CATSPERE: variants seen among roughly 807,000 people sequenced by gnomAD.
CATSPERE encodes the protein cation channel sperm-associated auxiliary subunit epsilon.
CATSPERE carries 93 observed loss-of-function variants against 114.1 expected under a neutral mutation model. That is an observed-to-expected ratio of 0.81 (90% CI 0.69 to 0.97). The LOEUF is 0.97. Among genes scored for constraint, CATSPERE ranks in the 50% least tolerant of loss-of-function variants. The probability of loss-of-function intolerance (pLI) is 0.00; values close to 1 mark genes in which losing one functional copy is unlikely to be tolerated. For missense variants in CATSPERE, 1,058 were observed against 1,131.6 expected, an observed-to-expected ratio of 0.93 and a Z score of 0.93; for synonymous variants, 341 against 384.1, an observed-to-expected ratio of 0.89 and a Z score of 1.31.
At chr1:244,530,024 T>C (rs559132242) in intron 8 of CATSPERE, among the ~76,000 whole-genome samples, 1 of 152,290 alleles carries the variant, frequency 6.6e-6, no homozygotes, top group South Asian at 2.1e-4. Flanking sequence ...CTTGGCTCAC[T>C]GCAACCTCCA....
rs1425514780 is a variant in CATSPERE at position 244,640,176 on chromosome 1, TAAATATAAG to T, written c.*96_*104del. 2.0e-6 allele frequency: 2 copies of T among 982,136 alleles called. No individual in the cohort carries two copies. Among genetic ancestry groups the T allele is most frequent in the East Asian group, 5.5e-5 (2 of 36,044 alleles). 60.8% of individuals were successfully genotyped at this position (982,136 alleles called of 1,614,324 possible). ...GAGTGTGTGTTTGACCAAGAAATAC[TAAATATAAG>T]CTCGTAGTAGGCATCACCAAATTCA... On this transcript the variant is annotated 3_prime_UTR_variant, in exon 22 of 22. Transcript: ENST00000366534.
At chr1:244,543,587 CAAT>C (rs1334925672) in intron 8 of CATSPERE, among the ~76,000 whole-genome samples, 1 of 148,554 alleles carries the variant, frequency 6.7e-6, no homozygotes, top group Non-Finnish European at 1.5e-5. Flanking sequence ...TGATTATAGT[CAAT>C]AACAGTAATA....
chr1:244,475,454 G>A (rs1194845602), intron 2 of CATSPERE, among the ~76,000 whole-genome samples: 1 of 151,534 alleles, frequency 6.6e-6, no homozygotes, highest in Non-Finnish European at 1.5e-5. Context: ...GACTGGTCTC[G>A]AACTCCTGGC....
At chr1:244,604,787 T>C (rs1324553726) in intron 17 of CATSPERE, among the ~76,000 whole-genome samples, 1 of 152,250 alleles carries the variant, frequency 6.6e-6, no homozygotes, top group Non-Finnish European at 1.5e-5. Flanking sequence ...ATTGAACTTT[T>C]AGCTCTGATT....
At chr1:244,600,814 G>A (rs1214364291) in intron 17 of CATSPERE, among the ~76,000 whole-genome samples, 2 of 151,452 alleles carry the variant, frequency 1.3e-5, no homozygotes, top group East Asian at 1.9e-4. Context: ...TCAAAGAATC[G>A]ATCATCAAAT....
chr1:244,589,615 A>G (rs58769403), intron 14 of CATSPERE, among the ~76,000 whole-genome samples: 1 of 152,294 alleles, frequency 6.6e-6, no homozygotes, highest in East Asian at 1.9e-4. Context: ...CTGAATCAAA[A>G]TCTGCATTTT....
chr1:244,621,146 A>C (rs1385897596), intron 20 of CATSPERE, among the ~76,000 whole-genome samples: 20 of 64,910 alleles, frequency 3.1e-4, no homozygotes, highest in African/African-American at 1.1e-3. Context: ...TAAAATATAT[A>C]TATTATAAAA....
Position 244,568,980 on chromosome 1 carries a change from C to G in CATSPERE, c.1508-3350C>G, listed in dbSNP as rs1572801131. ...GGCTGCCTAGTTTTGTGCTTGAAAC[C>G]CAGCGCCCTGGTGGTGTAGTAACCT... is the stretch of plus-strand genomic sequence containing the variant. On this transcript the variant is annotated intron_variant, in intron 10 of 21. Coordinates refer to ENST00000366534, the MANE Select transcript of CATSPERE (RefSeq NM_001130957.2). The surrounding 1 kb of genome is among the most constrained non-coding windows in gnomAD (Gnocchi z 4.4). 6.6e-6 allele frequency among the ~76,000 whole-genome samples: 1 copy of G among 152,184 alleles called. No homozygotes were observed. Among genetic ancestry groups the G allele is most frequent in the Non-Finnish European group, 1.5e-5 (1 of 68,044 alleles).
intron 8 of CATSPERE, among the ~76,000 whole-genome samples, chr1:244,521,570 C>T (rs1217907230): frequency 2.6e-5 from 4 of 152,006 alleles, no homozygotes; most frequent in African/African-American, 7.2e-5. Context: ...CTGCTTTCCT[C>T]GGCTTAGTAA....
At chr1:244,587,273 TAAAAAG>T (rs1244585127) in intron 13 of CATSPERE, among the ~76,000 whole-genome samples, 1 of 152,202 alleles carries the variant, frequency 6.6e-6, no homozygotes, top group Non-Finnish European at 1.5e-5. Flanking sequence ...TTGAATCTGT[TAAAAAG>T]AGAAGGTAAA....
intron 9 of CATSPERE, among the ~76,000 whole-genome samples, chr1:244,556,212 A>G (rs1175146746): frequency 6.6e-6 from 1 of 152,100 alleles, no homozygotes. Flanking sequence ...GAATATATAT[A>G]TATAAATTTA....
intron 10 of CATSPERE, among the ~76,000 whole-genome samples, chr1:244,569,844 C>A (rs1664177238): frequency 6.6e-6 from 1 of 152,176 alleles, no homozygotes; most frequent in South Asian, 2.1e-4. Context: ...CTATTCTGTT[C>A]CACTAATCTA....
intron 6 of CATSPERE, 69 bp downstream of exon 6, chr1:244,490,540 A>G (rs1671889492): frequency 3.1e-6 from 3 of 966,258 alleles, no homozygotes; most frequent in Non-Finnish European, 3.2e-6. Flanking sequence ...CTTATCTTCC[A>G]TATTTACCAG....
intron 8 of CATSPERE, among the ~76,000 whole-genome samples, chr1:244,530,911 T>TA (rs1169031044): frequency 6.6e-6 from 1 of 152,140 alleles, no homozygotes; most frequent in Non-Finnish European, 1.5e-5. Context: ...AGTTTTTTGA[T>TA]AGAGACTTTA....
At chr1:244,565,754 T>G (rs1053767287) in intron 10 of CATSPERE, among the ~76,000 whole-genome samples, 1 of 151,542 alleles carries the variant, frequency 6.6e-6, no homozygotes, top group South Asian at 2.1e-4. Flanking sequence ...ATTCATAGAT[T>G]TCAAGATTCA....
intron 21 of CATSPERE, among the ~76,000 whole-genome samples, chr1:244,638,664 A>G (rs887640424): frequency 1.5e-4 from 23 of 152,220 alleles, no homozygotes; most frequent in African/African-American, 5.5e-4. Flanking sequence ...TCATGATCTT[A>G]TCACACGCTC....
intron 2 of CATSPERE, among the ~76,000 whole-genome samples, chr1:244,475,679 G>A (rs1419568729): frequency 6.6e-6 from 1 of 151,616 alleles, no homozygotes; most frequent in Non-Finnish European, 1.5e-5. Context: ...TGGGATTACA[G>A]GTGCGCACCA....
At chr1:244,511,196 TTTA>T (rs932426256) in intron 7 of CATSPERE, among the ~76,000 whole-genome samples, 1 of 152,180 alleles carries the variant, frequency 6.6e-6, no homozygotes, top group Non-Finnish European at 1.5e-5. Flanking sequence ...AACTGATTTA[TTTA>T]TTATTATCTA....
intron 6 of CATSPERE, among the ~76,000 whole-genome samples, chr1:244,490,676 T>C (rs1218020604): frequency 6.6e-6 from 1 of 152,080 alleles, no homozygotes; most frequent in Non-Finnish European, 1.5e-5. Context: ...GGATGGATCT[T>C]CCCCCCTTTT....
Sources: allele counts gnomAD v4.1 joint callset (sites outside exome capture counted in the v4.1 genomes callset), GRCh38; gene constraint gnomAD v4.1.1; non-coding constraint Gnocchi (gnomAD v3.1); transcripts MANE v1.5; gene names NCBI Gene and HGNC (gene_info 2026-07-23, HGNC 2026-07-21).